KIDINS220: variants seen among roughly 807,000 people sequenced by gnomAD.
KIDINS220 encodes kinase D-interacting substrate of 220 kDa.
Under a neutral mutation model 157.6 loss-of-function variants are expected in KIDINS220, and 63 were observed. The observed-to-expected ratio is 0.40, with a 90% confidence interval of 0.33 to 0.49. The LOEUF (loss-of-function observed/expected upper bound fraction) is 0.49. Ranked by LOEUF, KIDINS220 falls within the 20% of genes least tolerant of loss-of-function variation. The pLI is 0.66. For missense variants in KIDINS220, 1,772 were observed against 2,171.2 expected (o/e 0.82, Z 3.65); for synonymous variants, 732 against 783.6 (o/e 0.93, Z 1.10).
chr2:8,785,172 A>G (rs567196110), intron 17 of KIDINS220, among the ~76,000 whole-genome samples: 1 of 152,356 alleles, frequency 6.6e-6, no homozygotes, highest in African/African-American at 2.4e-5. Context: ...CACATGTATG[A>G]TTCAACTATA....
chr2:8,749,042 C>T (rs757015303), intron 24 of KIDINS220, among the ~76,000 whole-genome samples: 1 of 152,158 alleles, frequency 6.6e-6, no homozygotes, highest in Non-Finnish European at 1.5e-5. Context: ...GCCTACCACA[C>T]AGTTAAATTT....
intron 25 of KIDINS220, chr2:8,747,526 G>T (rs766855626): frequency 6.8e-5 from 29 of 426,318 alleles, no homozygotes; most frequent in Non-Finnish European, 1.1e-4. Flanking sequence ...TTATATCATG[G>T]TGCTAATATT....
intron 1 of KIDINS220, among the ~76,000 whole-genome samples, chr2:8,834,208 C>T (rs1002490761): frequency 2.0e-5 from 3 of 152,070 alleles, no homozygotes; most frequent in East Asian, 1.9e-4. Context: ...CCTCCTGAAT[C>T]GTGTCTTCTT....
chr2:8,835,477 C>A (rs557477335), intron 1 of KIDINS220, among the ~76,000 whole-genome samples: 1 of 151,948 alleles, frequency 6.6e-6, no homozygotes, highest in Non-Finnish European at 1.5e-5. Context: ...ATGGGTCACA[C>A]ATAAAATGAT....
rs188266397 is a variant in KIDINS220, at chr2:8,818,766, C to T, written c.136G>A (p.Ala46Thr). 14 of 1,609,340 alleles carry T rather than the reference C, an allele frequency of 8.7e-6. No individual in the cohort carries two copies. The Admixed American group carries it at 2.0e-4, about 23-fold the overall frequency. ...ECGQTPLMIA[A>T]EQGNLEIVKE... ...ACTATTTCCAGATTGCCTTGTTCGGCAGCTATCATCAGTGGAGTCTGGCCA... is the reference window on the plus strand; with the variant it reads ...ACTATTTCCAGATTGCCTTGTTCGGTAGCTATCATCAGTGGAGTCTGGCCA... The change falls in exon 3 of 30, where the codon GCC (alanine) becomes ACC (threonine). Residue 46 changes from alanine (A) to threonine (T), a missense_variant. Ala to Thr is a moderately conservative substitution (Grantham distance 58). Transcript: ENST00000256707.
chr2:8,808,065 A>G (rs570963506), intron 6 of KIDINS220, among the ~76,000 whole-genome samples: 15 of 152,180 alleles, frequency 9.9e-5, no homozygotes, highest in Admixed American at 2.6e-4. Context: ...TGGAGGTCGC[A>G]ATGAGCCGTG....
At chr2:8,761,441 A>C (rs1233796458) in intron 22 of KIDINS220, among the ~76,000 whole-genome samples, 1 of 152,158 alleles carries the variant, frequency 6.6e-6, no homozygotes, top group East Asian at 1.9e-4. Flanking sequence ...TTGTAAGCAG[A>C]TCGATTTCTT....
intron 27 of KIDINS220, among the ~76,000 whole-genome samples, chr2:8,736,245 C>A (rs1664839394): frequency 6.6e-6 from 1 of 152,204 alleles, no homozygotes; most frequent in Non-Finnish European, 1.5e-5. Context: ...GAAATACCTA[C>A]TATAAAGACT....
rs1207201934 is a variant in KIDINS220 at position 8,778,940 on chromosome 2, A to G, written c.2570T>C (p.Val857Ala). The G allele has an allele frequency of 3.7e-6, 6 of 1,614,198 alleles. No individual in the cohort carries two copies. The South Asian group carries it at 6.6e-5, about 18-fold the overall frequency. The change falls in exon 19 of 30, where the codon GTA becomes GCA. Residue 857 changes from valine to alanine, a missense_variant. By Grantham distance (64) the Val-to-Ala change is moderately conservative (BLOSUM62 0). Transcript: ENST00000256707. ...AACGTCTCCATTTGTTGCTGAAGTT[A>G]CGAGAAATTTTCTTGCATTGCTTAG... is the stretch of plus-strand genomic sequence containing the variant. ...RGLSNARKFL[V>A]TSATNGDVPC... is the part of the protein sequence containing the mutation.
At chr2:8,774,481 G>T (rs1670689919) in intron 21 of KIDINS220, among the ~76,000 whole-genome samples, 1 of 152,036 alleles carries the variant, frequency 6.6e-6, no homozygotes, top group African/African-American at 2.4e-5. Flanking sequence ...GTAACGCAAA[G>T]CATACCAAAG....
At chr2:8,808,744 T>A (rs1399633034) in intron 6 of KIDINS220, among the ~76,000 whole-genome samples, 1 of 152,248 alleles carries the variant, frequency 6.6e-6, no homozygotes, top group East Asian at 1.9e-4. Context: ...TGCCACATCA[T>A]CAGTCTTTTC....
Position 8,747,990 on chromosome 2 carries a change from G to T in KIDINS220, c.3425C>A (p.Ala1142Asp). 1 of 1,556,380 alleles carries T rather than the reference G, an allele frequency of 6.4e-7. No individual in the cohort carries two copies. The highest frequency in any genetic ancestry group is 1.4e-5 in the African/African-American group (1 of 71,932). ...QHPFYNRPFFAPYLYTPRYYP... is the reference protein window; with the variant it reads ...QHPFYNRPFFDPYLYTPRYYP... ...ATACCTTGGCGTGTAAAGGTATGGG[G>T]CAAAGAATGGCTATGGAAAAACATG... Residue 1142 changes from alanine (A) to aspartate (D), a missense_variant, in exon 25 of 30, where the codon GCC (alanine) becomes GAC (aspartate). Transcript: ENST00000256707.
rs146353732 is a variant in KIDINS220 at position 8,818,962 on chromosome 2, T to C, written c.109-169A>G. On this transcript the variant is annotated intron_variant, in intron 2 of 29. Transcript: ENST00000256707. ...TGAACTTTAAGTTTCAGTTTACTAA[T>C]AATTTAAAAGTCAAAGAAAAAATAA... Among the ~76,000 whole-genome samples, 46 of 152,350 alleles carry C rather than the reference T, an allele frequency of 3.0e-4. No individual in the cohort carries two copies. In the East Asian group the frequency reaches 8.9e-3, roughly 29 times the overall value.
chr2:8,782,701 G>A (rs990065438), intron 17 of KIDINS220, among the ~76,000 whole-genome samples: 3 of 152,152 alleles, frequency 2.0e-5, no homozygotes, highest in Non-Finnish European at 2.9e-5. Flanking sequence ...AATACCCAAA[G>A]CAGACGAAGT....
chr2:8,745,440 G>C (rs546257734), intron 26 of KIDINS220, among the ~76,000 whole-genome samples: 1 of 152,130 alleles, frequency 6.6e-6, no homozygotes, highest in African/African-American at 2.4e-5. Flanking sequence ...ACCTCTCAAC[G>C]AAAGCACCAC....
At chr2:8,741,040 C>T (rs554925373) in intron 26 of KIDINS220, among the ~76,000 whole-genome samples, 3 of 152,254 alleles carry the variant, frequency 2.0e-5, no homozygotes, top group South Asian at 4.1e-4. Flanking sequence ...CTAGTTTACA[C>T]TATCGACCTT....
intron 1 of KIDINS220, among the ~76,000 whole-genome samples, chr2:8,834,453 G>A (rs774439353): frequency 3.3e-5 from 5 of 151,590 alleles, no homozygotes; most frequent in Non-Finnish European, 7.4e-5. Flanking sequence ...CCATTTATAC[G>A]TGTATAAAAC....
chr2:8,791,868 A>G (rs1341751616), intron 12 of KIDINS220, among the ~76,000 whole-genome samples: 2 of 152,158 alleles, frequency 1.3e-5, no homozygotes, highest in Non-Finnish European at 2.9e-5. Flanking sequence ...ATTGAAAGGA[A>G]AGAAGAATGT....
chr2:8,771,089 TCGACCA>T (rs1226888008), intron 21 of KIDINS220, among the ~76,000 whole-genome samples: 1 of 152,210 alleles, frequency 6.6e-6, no homozygotes, highest in East Asian at 1.9e-4. Flanking sequence ...ATATACTTCT[TCGACCA>T]CGTATATGCA....
Sources: gnomAD v4.1 joint callset for allele counts (sites outside exome capture counted in the v4.1 genomes callset) on GRCh38, gnomAD v4.1.1 for gene constraint, MANE v1.5 for transcripts, NCBI Gene and HGNC (gene_info 2026-07-23, HGNC 2026-07-21) for gene names.